Variants in ABHD5 observed in about 807,000 individuals in gnomAD.
The protein encoded by ABHD5 is 1-acylglycerol-3-phosphate O-acyltransferase ABHD5.
Under a neutral mutation model 44.9 loss-of-function variants are expected in ABHD5, and 30 were observed. The observed-to-expected ratio is 0.67, with a 90% CI of 0.50 to 0.91. The LOEUF (loss-of-function observed/expected upper bound fraction) is 0.91, where lower values mean the gene tolerates loss of function less well. Ranked by LOEUF, ABHD5 falls within the 40% of genes least tolerant of loss-of-function variation. ABHD5 has a pLI of 0.00. For synonymous variants in ABHD5, 167 were observed against 147.0 expected, an observed-to-expected ratio of 1.14 and a Z score of -0.99; for missense variants, 399 against 423.4, an observed-to-expected ratio of 0.94 and a Z score of 0.50.
chr3:43,709,523 C>T (rs1049604055), intron 3 of ABHD5, among the ~76,000 whole-genome samples: 1 of 145,910 alleles, frequency 6.9e-6, no homozygotes, highest in Non-Finnish European at 1.5e-5. Flanking sequence ...GAGCAAGATC[C>T]ATTAACAAAT....
At chr3:43,693,975 T>C (rs1162257023) in intron 1 of ABHD5, among the ~76,000 whole-genome samples, 2 of 152,124 alleles carry the variant, frequency 1.3e-5, no homozygotes, top group Middle Eastern at 3.2e-3. Flanking sequence ...GACCATGATC[T>C]TATTTTTACC....
chr3:43,725,527 T>C (rs142801400), downstream of ABHD5, among the ~76,000 whole-genome samples: 4 of 152,370 alleles, frequency 2.6e-5, no homozygotes, highest in East Asian at 7.7e-4. Context: ...TAAAAAATGT[T>C]CTGTATGTTC....
intron 5 of ABHD5, 96 bp from the exon 6 acceptor site, chr3:43,717,574 GA>G: frequency 7.5e-7 from 1 of 1,332,426 alleles, no homozygotes; most frequent in Non-Finnish European, 1.1e-6. Flanking sequence ...TTAGGTGCTG[GA>G]AAAGCTAAAT....
intron 1 of ABHD5, among the ~76,000 whole-genome samples, chr3:43,698,162 G>A (rs1187131391): frequency 6.6e-6 from 1 of 152,146 alleles, no homozygotes; most frequent in Non-Finnish European, 1.5e-5. Context: ...CTCTTGTGTT[G>A]TCTGTCATTA....
intron 2 of ABHD5, chr3:43,701,882 G>T: frequency 5.1e-6 from 1 of 195,920 alleles, no homozygotes; most frequent in East Asian, 1.2e-4. Context: ...TAATGGGTTC[G>T]GTAACCACTA....
intron 5 of ABHD5, among the ~76,000 whole-genome samples, chr3:43,715,751 A>T (rs1214502069): frequency 6.6e-6 from 1 of 152,220 alleles, no homozygotes; most frequent in Non-Finnish European, 1.5e-5. Flanking sequence ...CAAACTGAGT[A>T]TGAATGTTTC....
At chr3:43,726,609 A>G (rs1187648746), downstream of ABHD5, among the ~76,000 whole-genome samples, 2 of 152,224 alleles carry the variant, frequency 1.3e-5, no homozygotes, top group Non-Finnish European at 2.9e-5. Flanking sequence ...TCACTTGGCC[A>G]GCACCAAAGA....
intron 2 of ABHD5, chr3:43,701,992 C>T: frequency 2.1e-6 from 1 of 484,070 alleles, no homozygotes; most frequent in South Asian, 3.0e-5. Flanking sequence ...TCACAGGTTA[C>T]TTGAGGTTTG....
intron 3 of ABHD5, among the ~76,000 whole-genome samples, chr3:43,703,765 C>T (rs887134501): frequency 6.6e-6 from 1 of 152,072 alleles, no homozygotes; most frequent in Non-Finnish European, 1.5e-5. Flanking sequence ...AAGATCTCCC[C>T]ATTGCATAAC....
intron 1 of ABHD5, among the ~76,000 whole-genome samples, chr3:43,697,761 A>G (rs754062375): frequency 2.6e-5 from 4 of 152,248 alleles, no homozygotes; most frequent in Non-Finnish European, 5.9e-5. Context: ...GTGCAGGTCC[A>G]GGAAAATATA....
Position 43,721,283 on chromosome 3 carries a change from G to T in ABHD5, c.*2751G>T, listed in dbSNP as rs1287280948. The T allele has an allele frequency of 6.6e-6, 1 of 151,962 alleles. No individual in the cohort carries two copies. Among genetic ancestry groups the T allele is most frequent in the East Asian group, 1.9e-4 (1 of 5,192 alleles). The allele number at this position is 151,962 out of a possible 1,614,324, so 9.4% of individuals were successfully genotyped here. ...AATCGATTTCTCACAGGATACACAG[G>T]ATAAAATCTGAATAGAACAAAGACC... On this transcript the variant is annotated 3_prime_UTR_variant, in exon 7 of 7. Transcript: ENST00000644371.
intron 3 of ABHD5, among the ~76,000 whole-genome samples, chr3:43,709,529 C>T (rs553811444): frequency 2.7e-5 from 4 of 149,638 alleles, no homozygotes; most frequent in Admixed American, 6.7e-5. Context: ...GATCCATTAA[C>T]AAATTTGTGA....
At chr3:43,700,447 A>T (rs891589378) in intron 2 of ABHD5, among the ~76,000 whole-genome samples, 14 of 152,198 alleles carry the variant, frequency 9.2e-5, no homozygotes, top group Non-Finnish European at 2.9e-5. Flanking sequence ...GTAGGTGCAG[A>T]TGTTTGTACA....
chr3:43,693,750 CT>C (rs11294193), intron 1 of ABHD5, among the ~76,000 whole-genome samples: 91,441 of 140,232 alleles, frequency 0.65, 30,832 homozygotes, highest in East Asian at 0.84. Context: ...AGTTTCTCCT[CT>C]TTTTTTTTTT....
At position 43,717,673 on chromosome 3, in the gene ABHD5, G is replaced by A. The variant is rs1351652950; in HGVS notation, c.776G>A (p.Gly259Asp). 1.2e-6 allele frequency: 2 copies of A among 1,614,032 alleles called. No individual in the cohort carries two copies. The highest frequency in any genetic ancestry group is 2.7e-5 in the African/African-American group (2 of 74,906). Residue 259 changes from glycine (G) to aspartate (D), a missense_variant and splice_region_variant, in exon 6 of 7, where the codon GGT becomes GAT. Physicochemically the swap from Gly to Asp is moderately conservative, Grantham distance 94. Transcript: ENST00000644371. ...IYHCNVQTPSGETAFKNMTIP... is the reference protein window; with the variant it reads ...IYHCNVQTPSDETAFKNMTIP... ...TGATTTTCTCCTTGCCGTTAAAGTGGTGAGACAGCTTTCAAGAATATGACT... is the reference window on the plus strand; with the variant it reads ...TGATTTTCTCCTTGCCGTTAAAGTGATGAGACAGCTTTCAAGAATATGACT...
At chr3:43,698,560 A>G (rs541146009) in intron 1 of ABHD5, among the ~76,000 whole-genome samples, 33 of 152,258 alleles carry the variant, frequency 2.2e-4, no homozygotes, top group African/African-American at 7.2e-4. Context: ...AAGTATGTCA[A>G]CTGCAGCCTC....
At chr3:43,725,399 G>C (rs1055806811), downstream of ABHD5, among the ~76,000 whole-genome samples, 4 of 152,160 alleles carry the variant, frequency 2.6e-5, no homozygotes, top group South Asian at 2.1e-4. Flanking sequence ...CCTGTTTGCT[G>C]TCTGTAGCCT....
chr3:43,698,205 CTTA>C (rs1175486500), intron 1 of ABHD5, among the ~76,000 whole-genome samples: 4 of 152,154 alleles, frequency 2.6e-5, no homozygotes. Context: ...CCTGGGAATC[CTTA>C]TTATAACTTC....
intron 5 of ABHD5, 81 bp downstream of exon 5, chr3:43,715,139 A>G (rs564863367): frequency 9.6e-6 from 9 of 942,084 alleles, no homozygotes; most frequent in Admixed American, 5.9e-5. Flanking sequence ...GTTTTAGACT[A>G]TTTTTTTTAA....
Sources: allele counts gnomAD v4.1 joint callset (sites outside exome capture counted in the v4.1 genomes callset), GRCh38; gene constraint gnomAD v4.1.1; transcripts MANE v1.5; gene names NCBI Gene and HGNC (gene_info 2026-07-23, HGNC 2026-07-21).